CLASP2: variants seen among roughly 807,000 people sequenced by gnomAD.
The protein encoded by CLASP2 is cytoplasmic linker associated protein 2.
A neutral mutation model predicts 194.4 loss-of-function variants in CLASP2; 47 were observed. The observed-to-expected ratio is 0.24, with a 90% CI of 0.19 to 0.31. CLASP2 has a LOEUF of 0.31. CLASP2 is among the 10% of genes least tolerant of loss of function. The probability of loss-of-function intolerance (pLI) is 1.00; values close to 1 mark genes in which losing one functional copy is unlikely to be tolerated. For synonymous variants in CLASP2, 619 were observed against 633.5 expected, an observed-to-expected ratio of 0.98 and a Z score of 0.34; for missense variants, 1,445 against 1,823.6, an observed-to-expected ratio of 0.79 and a Z score of 3.78.
At chr3:33,690,668 T>C (rs1366001094) in intron 2 of CLASP2, among the ~76,000 whole-genome samples, 1 of 152,194 alleles carries the variant, frequency 6.6e-6, no homozygotes, top group Non-Finnish European at 1.5e-5. Context: ...TGGAGAATTC[T>C]AGAAATAAAC....
At chr3:33,564,710 C>T in intron 27 of CLASP2, among the ~76,000 whole-genome samples, 1 of 152,220 alleles carries the variant, frequency 6.6e-6, no homozygotes, top group Non-Finnish European at 1.5e-5. Flanking sequence ...CCCACCTCAG[C>T]CTCCTGAGTA....
Position 33,684,422 on chromosome 3 carries a change from A to G in CLASP2, c.581T>C (p.Ile194Thr), listed in dbSNP as rs943705636. 5 of 1,604,006 alleles carry G rather than the reference A, an allele frequency of 3.1e-6. No individual in the cohort carries two copies. The African/African-American group carries it at 6.7e-5, about 22-fold the overall frequency. The change falls in exon 6 of 39, where the codon ATT (isoleucine) becomes ACT (threonine). Residue 194 changes from isoleucine to threonine, a missense_variant. Physicochemically the swap from Ile to Thr is moderately conservative, Grantham distance 89. Around this residue, in one of 4 missense-constraint regions of CLASP2, gnomAD observed 332 missense variants for 325.3 expected, o/e 1.02. Transcript: ENST00000682230. ...RDAAILAIVE[I>T]YRHVGEKVRM... is the part of the protein sequence containing the mutation. Reference sequence around the variant, plus strand: ...CACTTTTTCTCCCACATGTCTATAAATCTCCACTATAGCCAATATTGCAGC... The same window carrying G: ...CACTTTTTCTCCCACATGTCTATAAGTCTCCACTATAGCCAATATTGCAGC...
At chr3:33,508,332 T>C (rs921162247) in intron 37 of CLASP2, among the ~76,000 whole-genome samples, 2 of 151,622 alleles carry the variant, frequency 1.3e-5, no homozygotes, top group Non-Finnish European at 2.9e-5. Flanking sequence ...GAAATATATA[T>C]ACATATTTTT....
At chr3:33,632,501 G>C in intron 8 of CLASP2, 130 bp from the exon 9 acceptor site, 1 of 671,818 alleles carries the variant, frequency 1.5e-6, no homozygotes, top group Non-Finnish European at 2.5e-6. Context: ...CATTTTATAA[G>C]AAAGCATTTA....
chr3:33,688,402 A>T (rs1559645155), intron 3 of CLASP2, 34 bp from the exon 4 acceptor site: 1 of 1,404,736 alleles, frequency 7.1e-7, no homozygotes, highest in African/African-American at 1.4e-5. Flanking sequence ...GTATAACAAA[A>T]AACTAAATTA....
At chr3:33,603,885 A>G (rs2072997685) in intron 17 of CLASP2, among the ~76,000 whole-genome samples, 1 of 152,210 alleles carries the variant, frequency 6.6e-6, no homozygotes, top group African/African-American at 2.4e-5. Flanking sequence ...ATAGGTTGTA[A>G]AATCAACTGA....
chr3:33,694,152 A>C (rs2091634600), intron 2 of CLASP2, among the ~76,000 whole-genome samples: 1 of 152,222 alleles, frequency 6.6e-6, no homozygotes, highest in Non-Finnish European at 1.5e-5. Flanking sequence ...AGGCCTAGAA[A>C]GAGTGAGCAA....
chr3:33,514,720 C>T (rs1428632640), intron 36 of CLASP2: 3 of 336,310 alleles, frequency 8.9e-6, no homozygotes, highest in Non-Finnish European at 1.8e-5. Context: ...GATACTTGCA[C>T]ACAGGTGTTT....
chr3:33,611,737 C>A lies in CLASP2; in HGVS notation c.1388+264G>T, dbSNP rs375766974. On this transcript the variant is annotated intron_variant, in intron 13 of 38. Coordinates refer to ENST00000682230, the MANE Select transcript of CLASP2 (RefSeq NM_001365631.1). ...TCAAGCCCAGACCTGACTCTGTACT[C>A]CTTGTTCTCTGAAAACCAAGGCAAC... 1.2e-4 allele frequency among the ~76,000 whole-genome samples: 19 copies of A among 152,218 alleles called. No homozygotes were observed. The East Asian group carries it at 3.3e-3, about 26-fold the overall frequency.
intron 29 of CLASP2, chr3:33,559,080 A>G: frequency 1.6e-6 from 1 of 626,796 alleles, no homozygotes; most frequent in South Asian, 1.6e-5. Context: ...CACTGCAGAG[A>G]GTTAAGAAAA....
chr3:33,584,866 G>A lies in CLASP2; in HGVS notation c.2123C>T (p.Thr708Ile). ...GRVLTTTALS[T>I]VSSGVQRVLV... is the part of the protein sequence containing the mutation. Reference sequence around the variant, plus strand: ...GACTCTTTGAACACCAGAGCTCACAGTGGACAGGGCTGTTGTGGTCAGAAC... The same window carrying A: ...GACTCTTTGAACACCAGAGCTCACAATGGACAGGGCTGTTGTGGTCAGAAC... Residue 708 changes from threonine to isoleucine, a missense_variant, in exon 22 of 39, where the codon ACT becomes ATT. By Grantham distance (89) the Thr-to-Ile change is moderately conservative. This residue lies in a region of CLASP2 where 732 missense variants were observed against 987.9 expected (regional missense o/e 0.74). Coordinates refer to ENST00000682230, the MANE Select transcript of CLASP2 (RefSeq NM_001365631.1). 6 of 1,613,910 alleles carry A rather than the reference G, an allele frequency of 3.7e-6. No homozygotes were observed. The highest frequency in any genetic ancestry group is 5.1e-6 in the Non-Finnish European group (6 of 1,179,870).
At chr3:33,589,546 T>TA (rs2068218883) in intron 21 of CLASP2, among the ~76,000 whole-genome samples, 1 of 152,082 alleles carries the variant, frequency 6.6e-6, no homozygotes, top group Non-Finnish European at 1.5e-5. Context: ...ATGGAACATA[T>TA]AGTCATTCAA....
Position 33,497,697 on chromosome 3 carries a change from C to T in CLASP2, c.*934G>A, listed in dbSNP as rs2045974329. On this transcript the variant is annotated 3_prime_UTR_variant, in exon 39 of 39. Coordinates refer to ENST00000682230, the MANE Select transcript of CLASP2 (RefSeq NM_001365631.1). ...AAAGGTGCTGGTCACTCCCATGTCT[C>T]GATAATTTGTTTATTACGTGAGAAA... is the stretch of plus-strand genomic sequence containing the variant. The T allele has an allele frequency of 6.6e-6, 1 of 152,502 alleles. No individual in the cohort carries two copies. Among genetic ancestry groups the T allele is most frequent in the African/African-American group, 2.4e-5 (1 of 41,406 alleles). The allele number at this position is 152,502 out of a possible 1,614,324, so 9.4% of individuals were successfully genotyped here.
chr3:33,641,920 T>C (rs2154305098), intron 8 of CLASP2, among the ~76,000 whole-genome samples: 2 of 152,052 alleles, frequency 1.3e-5, no homozygotes, highest in South Asian at 4.1e-4. Context: ...AAATAATACA[T>C]TGAGACTGAA....
chr3:33,624,261 T>G (rs888384950), intron 10 of CLASP2, among the ~76,000 whole-genome samples: 1 of 151,806 alleles, frequency 6.6e-6, no homozygotes, highest in Non-Finnish European at 1.5e-5. Flanking sequence ...TTAAATCAGA[T>G]GCATAAAGAT....
intron 36 of CLASP2, 79 bp from the exon 37 acceptor site, chr3:33,510,843 G>A (rs931290654): frequency 1.1e-5 from 14 of 1,241,728 alleles, no homozygotes; most frequent in Admixed American, 6.7e-5. Context: ...ACTTCATGAA[G>A]TATTCAATAT....
At chr3:33,626,745 C>T (rs556312489) in intron 10 of CLASP2, among the ~76,000 whole-genome samples, 1 of 149,770 alleles carries the variant, frequency 6.7e-6, no homozygotes, top group African/African-American at 2.5e-5. Flanking sequence ...TCAAAAACAG[C>T]ACACGTGGTG....
At chr3:33,544,597 A>G (rs1400741753) in intron 31 of CLASP2, 101 bp downstream of exon 31, 20 of 1,127,130 alleles carry the variant, frequency 1.8e-5, no homozygotes, top group Non-Finnish European at 2.5e-5. Context: ...AGATGCAAAA[A>G]TTATATATTA....
intron 7 of CLASP2, among the ~76,000 whole-genome samples, chr3:33,651,940 T>C (rs1476834570): frequency 6.6e-6 from 1 of 152,184 alleles, no homozygotes; most frequent in Non-Finnish European, 1.5e-5. Context: ...ATTACAGGCA[T>C]GAGCCACCAC....
Sources: allele counts gnomAD v4.1 joint callset (sites outside exome capture counted in the v4.1 genomes callset), GRCh38; gene constraint gnomAD v4.1.1; regional missense constraint gnomAD v4.1.1; transcripts MANE v1.5; gene names NCBI Gene and HGNC (gene_info 2026-07-23, HGNC 2026-07-21).